The following NAALAD2 variants were observed in gnomAD, a reference collection of about 807,000 sequenced individuals.
NAALAD2 encodes the protein N-acetylated alpha-linked acidic dipeptidase 2, also known as N-acetylated-alpha-linked acidic dipeptidase 2.
NAALAD2 carries 89 observed loss-of-function variants against 95.6 expected under a neutral mutation model. That is an observed-to-expected ratio of 0.93 (90% CI 0.78 to 1.11). NAALAD2 has a LOEUF of 1.11. Ranked by LOEUF, NAALAD2 falls within the 50% of genes least tolerant of loss-of-function variation. The pLI is 0.00. For missense variants in NAALAD2, 894 were observed against 872.4 expected (o/e 1.02, Z -0.31); for synonymous variants, 264 against 294.4 (o/e 0.90, Z 1.06).
chr11:90,152,317 C>T lies in NAALAD2; in HGVS notation c.629C>T (p.Ala210Val). 1 of 1,600,452 alleles carries T rather than the reference C, an allele frequency of 6.2e-7. No homozygotes were observed. Among genetic ancestry groups the T allele is most frequent in the Non-Finnish European group, 8.6e-7 (1 of 1,169,486 alleles). ...RGNKVKNAML[A>V]GAIGIILYSD... is the part of the protein sequence containing the mutation. ...CTGCAGGTTAAAAATGCCATGTTAG[C>T]AGGAGCCATAGGAATCATCTTGTAC... The change falls in exon 6 of 19, where the codon GCA (alanine) becomes GTA (valine). Residue 210 changes from alanine to valine, a missense_variant. Physicochemically the swap from Ala to Val is moderately conservative, Grantham distance 64. Transcript: ENST00000534061.
intron 13 of NAALAD2, among the ~76,000 whole-genome samples, chr11:90,170,818 T>C (rs1359744166): frequency 6.6e-6 from 1 of 152,048 alleles, no homozygotes; most frequent in African/African-American, 2.4e-5. Context: ...CTAAAAAAGA[T>C]GTGGAGGTTT....
chr11:90,163,295 C>T lies in NAALAD2; in HGVS notation c.1076-15C>T, dbSNP rs566600135. ...TATTCAAAGTTGTAGGTTTCTTGAA[C>T]GTATTATTTTCCAGACAGGTATGTT... On this transcript the variant is annotated splice_polypyrimidine_tract_variant and intron_variant, in intron 9 of 18. Transcript: ENST00000534061. 17 of 1,602,544 alleles carry T rather than the reference C, an allele frequency of 1.1e-5. No individual in the cohort carries two copies. The African/African-American group carries it at 1.6e-4, about 15-fold the overall frequency.
chr11:90,141,360 C>T lies in NAALAD2; in HGVS notation c.194+5690C>T, dbSNP rs187048141. On this transcript the variant is annotated intron_variant, in intron 2 of 18. Transcript: ENST00000534061. ...TATGTCCAGTCTTCTATTACATGAACGTGGTATGTTTCCAATTGTAGATCA... is the reference window on the plus strand; with the variant it reads ...TATGTCCAGTCTTCTATTACATGAATGTGGTATGTTTCCAATTGTAGATCA... Among the ~76,000 whole-genome samples the T allele has an allele frequency of 3.3e-5, 5 of 152,272 alleles. No individual in the cohort carries two copies. In the East Asian group the frequency reaches 9.6e-4, roughly 29 times the overall value.
At chr11:90,164,889 T>A (rs1374260002) in intron 11 of NAALAD2, among the ~76,000 whole-genome samples, 2 of 152,178 alleles carry the variant, frequency 1.3e-5, no homozygotes, top group Non-Finnish European at 2.9e-5. Flanking sequence ...AATATTGTGG[T>A]ATTACTAGTG....
intron 8 of NAALAD2, among the ~76,000 whole-genome samples, chr11:90,160,276 A>C (rs1312140148): frequency 6.6e-6 from 1 of 152,208 alleles, no homozygotes; most frequent in East Asian, 1.9e-4. Context: ...GCTTGTACAG[A>C]GTAGTTGAAC....
At chr11:90,167,965 A>C (rs1442332112) in intron 11 of NAALAD2, among the ~76,000 whole-genome samples, 1 of 152,080 alleles carries the variant, frequency 6.6e-6, no homozygotes, top group Non-Finnish European at 1.5e-5. Context: ...AGCAGTGGCA[A>C]CCCTCTGGGG....
Position 90,162,964 on chromosome 11 carries a change from T to C in NAALAD2, c.1005T>C (p.His335=), listed in dbSNP as rs770608004. The change falls in exon 9 of 19, where the codon CAT becomes CAC. Residue 335 remains histidine, a synonymous_variant. Coordinates refer to ENST00000534061, the MANE Select transcript of NAALAD2 (RefSeq NM_005467.4). The part of the protein sequence containing the change: ...GSDSFRKVRM[H]VYNINKITRI... ...AAAATTCTAGGAAGGTTAGAATGCA[T>C]GTTTATAACATCAATAAAATTACAA... is the stretch of plus-strand genomic sequence containing the variant. The C allele has an allele frequency of 2.6e-6, 4 of 1,546,124 alleles. No homozygotes were observed. The African/African-American group carries it at 5.5e-5, about 21-fold the overall frequency.
intron 18 of NAALAD2, among the ~76,000 whole-genome samples, chr11:90,183,626 A>G (rs1857032609): frequency 6.6e-6 from 1 of 152,094 alleles, no homozygotes; most frequent in Non-Finnish European, 1.5e-5. Context: ...TTAAGTAGAA[A>G]CCATACTTCA....
At chr11:90,144,741 A>AAAAAAAAAAAAAAG (rs1951708318) in intron 2 of NAALAD2, among the ~76,000 whole-genome samples, 1 of 74,862 alleles carries the variant, frequency 1.3e-5, no homozygotes, top group Non-Finnish European at 2.5e-5. Context: ...AAACTCCATT[A>AAAAAAAAAAAAAAG]AAAAAAAAAA....
chr11:90,155,888 A>T (rs1054084915), intron 6 of NAALAD2, among the ~76,000 whole-genome samples: 18 of 142,648 alleles, frequency 1.3e-4, no homozygotes, highest in Admixed American at 9.6e-4. Flanking sequence ...TATATGTAAT[A>T]TATATTATAT....
At chr11:90,189,106 G>A (rs972996329) in intron 18 of NAALAD2, among the ~76,000 whole-genome samples, 3 of 151,904 alleles carry the variant, frequency 2.0e-5, no homozygotes, top group African/African-American at 7.3e-5. Flanking sequence ...AGGAGAGAAA[G>A]TTAGGGTGAT....
intron 8 of NAALAD2, among the ~76,000 whole-genome samples, chr11:90,162,193 T>G (rs983333812): frequency 6.6e-6 from 1 of 152,186 alleles, no homozygotes; most frequent in Non-Finnish European, 1.5e-5. Flanking sequence ...CCATGTCATC[T>G]TGGATTCATA....
intron 16 of NAALAD2, among the ~76,000 whole-genome samples, chr11:90,179,455 C>T (rs895564242): frequency 6.6e-6 from 1 of 151,594 alleles, no homozygotes; most frequent in Non-Finnish European, 1.5e-5. Context: ...GTAATGACTT[C>T]TGAATATTAT....
chr11:90,191,504 T>G, intron 18 of NAALAD2, 54 bp from the exon 19 acceptor site: 1 of 1,316,406 alleles, frequency 7.6e-7, no homozygotes, highest in South Asian at 1.9e-5. Flanking sequence ...ACAAAAAGCA[T>G]GCAAAATGCA....
chr11:90,188,852 G>T (rs1857239831), intron 18 of NAALAD2, among the ~76,000 whole-genome samples: 1 of 151,966 alleles, frequency 6.6e-6, no homozygotes, highest in African/African-American at 2.4e-5. Context: ...TTTCCCTAAT[G>T]AAAGTTCCAC....
At chr11:90,167,424 C>T (rs866682967) in intron 11 of NAALAD2, among the ~76,000 whole-genome samples, 1 of 152,152 alleles carries the variant, frequency 6.6e-6, no homozygotes. Context: ...CCTGAGCCTG[C>T]GCCCCCGCCG....
At chr11:90,144,967 T>G (rs1158736611) in intron 2 of NAALAD2, among the ~76,000 whole-genome samples, 3 of 152,012 alleles carry the variant, frequency 2.0e-5, no homozygotes, top group African/African-American at 7.3e-5. Flanking sequence ...CAACTTTGAG[T>G]GTTCTCCCTC....
chr11:90,150,427 G>GTT, intron 4 of NAALAD2, 55 bp from the exon 5 acceptor site: 330 of 1,095,990 alleles, frequency 3.0e-4, no homozygotes, highest in South Asian at 4.2e-4. Context: ...CTTATTTTTT[G>GTT]TTTTTTTTTT....
At chr11:90,154,995 GTATGTGTGTATATATTATATACA>G (rs1952010703) in intron 6 of NAALAD2, among the ~76,000 whole-genome samples, 1 of 52,682 alleles carries the variant, frequency 1.9e-5, no homozygotes, top group African/African-American at 9.4e-5. Flanking sequence ...TACATAATAT[GTATGTGTGTATATATTATATACA>G]TATACATAAT....
Sources: allele counts gnomAD v4.1 joint callset (sites outside exome capture counted in the v4.1 genomes callset), GRCh38; gene constraint gnomAD v4.1.1; transcripts MANE v1.5; gene names NCBI Gene and HGNC (gene_info 2026-07-23, HGNC 2026-07-21).